Variants in USP13 observed in about 807,000 individuals in gnomAD.
The protein encoded by USP13 is ubiquitin specific peptidase 13, also known as ubiquitin carboxyl-terminal hydrolase 13.
A neutral mutation model predicts 107.8 loss-of-function variants in USP13; 68 were observed. The observed-to-expected ratio is 0.63, with a 90% CI of 0.52 to 0.77. The LOEUF (loss-of-function observed/expected upper bound fraction) is 0.77, where lower values mean the gene tolerates loss of function less well. USP13 is among the 30% of genes least tolerant of loss of function. USP13 has a pLI of 0.00. For missense variants in USP13, 945 were observed against 1,093.3 expected (o/e 0.86, Z 1.91); for synonymous variants, 377 against 389.5 (o/e 0.97, Z 0.38).
intron 14 of USP13, among the ~76,000 whole-genome samples, chr3:179,754,202 T>G (rs1376368260): frequency 6.6e-6 from 1 of 151,952 alleles, no homozygotes; most frequent in Admixed American, 6.5e-5. Context: ...AAAACTGCCA[T>G]AAGACTCAGA....
chr3:179,679,402 A>AAG (rs1467092946), intron 1 of USP13, among the ~76,000 whole-genome samples: 3 of 152,180 alleles, frequency 2.0e-5, no homozygotes, highest in African/African-American at 2.4e-5. Context: ...AATGCACTGT[A>AAG]AGGAATTTTG....
intron 3 of USP13, among the ~76,000 whole-genome samples, chr3:179,690,818 A>G (rs2108464146): frequency 6.6e-6 from 1 of 152,128 alleles, no homozygotes; most frequent in East Asian, 1.9e-4. Flanking sequence ...AAGCGATCCA[A>G]CTGCCTCGGC....
chr3:179,701,035 GCGA>G lies in USP13; in HGVS notation c.387_389del (p.Asp130del). ...CTAGATACTGATGACGATTTAAATAGCGACGATTATGAATATGAAGATGAAGCC... is the reference window on the plus strand; with the variant it reads ...CTAGATACTGATGACGATTTAAATAGCGATTATGAATATGAAGATGAAGCC... On this transcript the variant is annotated inframe_deletion, in exon 4 of 21. Coordinates refer to ENST00000263966, the MANE Select transcript of USP13 (RefSeq NM_003940.3). 6.2e-7 allele frequency: 1 copy of G among 1,613,724 alleles called. No homozygotes were observed. The highest frequency in any genetic ancestry group is 1.1e-5 in the South Asian group (1 of 91,062).
chr3:179,666,290 C>T (rs140012351), intron 1 of USP13, among the ~76,000 whole-genome samples: 35 of 152,312 alleles, frequency 2.3e-4, no homozygotes, highest in Admixed American at 2.0e-3. Context: ...AAGTAATTCA[C>T]ATATTGTATC....
chr3:179,665,443 C>A (rs1251861707), intron 1 of USP13, among the ~76,000 whole-genome samples: 1 of 152,152 alleles, frequency 6.6e-6, no homozygotes, highest in African/African-American at 2.4e-5. Context: ...GATTTTGCCC[C>A]TGTTTTACGG....
At chr3:179,776,858 G>GTTTTTT (rs71628094) in intron 19 of USP13, among the ~76,000 whole-genome samples, 13 of 78,282 alleles carry the variant, frequency 1.7e-4, no homozygotes, top group African/African-American at 4.7e-4. Flanking sequence ...TAGAGTGCTG[G>GTTTTTT]TTTTTTTTTT....
chr3:179,750,302 G>GTATATATATATA (rs1456279754), intron 13 of USP13, among the ~76,000 whole-genome samples: 1 of 111,050 alleles, frequency 9.0e-6, no homozygotes, highest in African/African-American at 3.2e-5. Context: ...ATATATGTGT[G>GTATATATATATA]TGTATATATA....
At chr3:179,685,018 C>G (rs926640345) in intron 2 of USP13, among the ~76,000 whole-genome samples, 2 of 152,054 alleles carry the variant, frequency 1.3e-5, no homozygotes, top group Non-Finnish European at 2.9e-5. Context: ...ACTGCTGTGT[C>G]CTTAGCACTT....
chr3:179,682,247 G>GGAAA (rs1711686150), intron 2 of USP13, among the ~76,000 whole-genome samples: 2 of 145,504 alleles, frequency 1.4e-5, no homozygotes, highest in Non-Finnish European at 3.0e-5. Flanking sequence ...TGACTAATTG[G>GGAAA]AAAAAAAAAA....
intron 1 of USP13, among the ~76,000 whole-genome samples, chr3:179,667,441 T>C (rs1206721332): frequency 1.3e-5 from 2 of 152,216 alleles, no homozygotes. Context: ...AAAGGTGTAC[T>C]GTTGACAAGG....
At chr3:179,761,060 A>G (rs970321959) in intron 16 of USP13, 52 bp from the exon 17 acceptor site, 3 of 1,609,682 alleles carry the variant, frequency 1.9e-6, no homozygotes, top group Non-Finnish European at 1.7e-6. Flanking sequence ...TAGCTAAGAC[A>G]AGAAGCGACA....
Position 179,764,021 on chromosome 3 carries a change from C to G in USP13, c.2112C>G (p.Thr704=). The part of the protein sequence containing the change: ...MEEPDFAEPL[T]MPGYGGAASA... ...TCTCAGATTTTGCTGAGCCGCTGAC[C>G]ATGCCTGGTTATGGAGGGGCAGCTT... The change falls in exon 18 of 21, where the codon ACC becomes ACG. Residue 704 remains threonine, a synonymous_variant. Coordinates refer to ENST00000263966, the MANE Select transcript of USP13 (RefSeq NM_003940.3). 1 of 1,613,004 alleles carries G rather than the reference C, an allele frequency of 6.2e-7. No homozygotes were observed. Among genetic ancestry groups the G allele is most frequent in the Non-Finnish European group, 8.5e-7 (1 of 1,179,644 alleles).
rs541820700 is a variant in USP13, at chr3:179,786,846, G to A, written c.*2705G>A. The A allele has an allele frequency of 6.6e-6, 1 of 152,336 alleles. No individual in the cohort carries two copies. Among genetic ancestry groups the A allele is most frequent in the East Asian group, 1.9e-4 (1 of 5,190 alleles). 9.4% of individuals were successfully genotyped at this position (152,336 alleles called of 1,614,324 possible). A position where few individuals can be genotyped will look rare whatever the true frequency, so the allele number is the denominator to read the frequency against. ...ATTGTGAAATTCTCCCTGTATATGG[G>A]TGTCTGTGTGAAAGACAGCACTTTC... is the stretch of plus-strand genomic sequence containing the variant. On this transcript the variant is annotated 3_prime_UTR_variant, in exon 21 of 21. Coordinates refer to ENST00000263966, the MANE Select transcript of USP13 (RefSeq NM_003940.3).
At chr3:179,690,020 T>C (rs963023750) in intron 2 of USP13, among the ~76,000 whole-genome samples, 10 of 152,322 alleles carry the variant, frequency 6.6e-5, no homozygotes, top group African/African-American at 2.4e-4. Context: ...CCAGAAGCGT[T>C]TTCTTTATAA....
intron 1 of USP13, among the ~76,000 whole-genome samples, chr3:179,662,435 TG>T (rs1228400399): frequency 1.3e-4 from 20 of 152,288 alleles, no homozygotes; most frequent in African/African-American, 4.8e-4. Flanking sequence ...AAGATCAGGT[TG>T]GATCTTGGCT....
At position 179,755,587 on chromosome 3, in the gene USP13, T is replaced by C. The variant is rs547918996; in HGVS notation, c.1921+733T>C. Among the ~76,000 whole-genome samples the C allele has an allele frequency of 1.4e-3, 214 of 152,346 alleles. 2 individuals carry two copies. The highest frequency in any genetic ancestry group is 4.5e-3 in the African/African-American group (189 of 41,586). ...TGTTGGGATTACAGGCGTGAGCCAC[T>C]GTGCCCAGCCTCATAACTTTTTAAT... On this transcript the variant is annotated intron_variant, in intron 15 of 20. Transcript: ENST00000263966.
At chr3:179,714,475 AAC>A (rs1176896562) in intron 6 of USP13, among the ~76,000 whole-genome samples, 2 of 152,108 alleles carry the variant, frequency 1.3e-5, no homozygotes, top group Non-Finnish European at 2.9e-5. Context: ...AGACCCTGTT[AAC>A]AGTTTATTTA....
intron 2 of USP13, 98 bp downstream of exon 2, chr3:179,682,101 C>G (rs1248666876): frequency 2.1e-6 from 3 of 1,443,734 alleles, no homozygotes; most frequent in Admixed American, 2.2e-5. Context: ...GCCCACATAA[C>G]TTCCGATTCC....
chr3:179,693,696 C>T (rs963901048), intron 3 of USP13, among the ~76,000 whole-genome samples: 7 of 152,070 alleles, frequency 4.6e-5, no homozygotes, highest in African/African-American at 1.2e-4. Flanking sequence ...TTATTTGAGC[C>T]GGAGTCTTGC....
Sources: gnomAD v4.1 joint callset for allele counts (sites outside exome capture counted in the v4.1 genomes callset) on GRCh38, gnomAD v4.1.1 for gene constraint, MANE v1.5 for transcripts, NCBI Gene and HGNC (gene_info 2026-07-23, HGNC 2026-07-21) for gene names.